DLC1: variants seen among roughly 807,000 people sequenced by gnomAD.
The protein encoded by DLC1 is DLC1 Rho GTPase activating protein.
A neutral mutation model predicts 140.3 loss-of-function variants in DLC1; 54 were observed. That is an observed-to-expected ratio of 0.38 (90% CI 0.31 to 0.48). The LOEUF (loss-of-function observed/expected upper bound fraction) is 0.48. DLC1 is among the 20% of genes least tolerant of loss of function. The pLI is 0.96. For missense variants in DLC1, 2,536 were observed against 1,907.0 expected, an observed-to-expected ratio of 1.33 and a Z score of -6.14; for synonymous variants, 986 against 728.1, an observed-to-expected ratio of 1.35 and a Z score of -5.70.
chr8:13,133,097 AC>A, intron 5 of DLC1: 1 of 1,498,900 alleles, frequency 6.7e-7, no homozygotes, highest in Non-Finnish European at 8.9e-7. Flanking sequence ...GCGGTCCTCA[AC>A]GCATCCTTGC....
chr8:13,364,275 G>C (rs1319365058), intron 4 of DLC1, among the ~76,000 whole-genome samples: 2 of 149,222 alleles, frequency 1.3e-5, no homozygotes, highest in Non-Finnish European at 3.0e-5. Flanking sequence ...CTATTTTTAA[G>C]TTTCCAGTTC....
At chr8:13,444,439 A>C (rs1413816208) in intron 2 of DLC1, among the ~76,000 whole-genome samples, 1 of 152,156 alleles carries the variant, frequency 6.6e-6, no homozygotes, top group African/African-American at 2.4e-5. Context: ...TCTAGAACTT[A>C]ACGTTTAATA....
At chr8:13,265,829 C>G (rs991447783) in intron 5 of DLC1, among the ~76,000 whole-genome samples, 1 of 151,392 alleles carries the variant, frequency 6.6e-6, no homozygotes, top group Non-Finnish European at 1.5e-5. Flanking sequence ...TTTATTAACA[C>G]TTGGCTATGA....
chr8:13,486,362 A>G (rs544405860), intron 2 of DLC1, among the ~76,000 whole-genome samples: 1 of 152,312 alleles, frequency 6.6e-6, no homozygotes, highest in Non-Finnish European at 1.5e-5. Context: ...CCCGCACACA[A>G]AGTAGACAAA....
At chr8:13,530,565 C>T (rs971619089) in intron 1 of DLC1, among the ~76,000 whole-genome samples, 4 of 152,098 alleles carry the variant, frequency 2.6e-5, no homozygotes, top group African/African-American at 7.2e-5. Flanking sequence ...AGACCACATG[C>T]CTGCGAGTCA....
rs765288401 is a variant in DLC1, at chr8:13,115,622, C to G, written c.1384G>C (p.Ala462Pro). The stretch of plus-strand genomic sequence containing the variant: ...TGTGCATACTGGGGGAAACCAGTTG[C>G]CCGTAGCCAATCACAAGCTTCCTTG... ...EAKEACDWLR[A>P]TGFPQYAQLY... Residue 462 changes from alanine (A) to proline (P), a missense_variant, in exon 6 of 18, where the codon GCA becomes CCA. Ala to Pro is a conservative substitution (Grantham distance 27, BLOSUM62 -1). Coordinates refer to ENST00000276297, the MANE Select transcript of DLC1 (RefSeq NM_182643.3). The G allele has an allele frequency of 6.2e-7, 1 of 1,613,982 alleles. No homozygotes were observed. Among genetic ancestry groups the G allele is most frequent in the South Asian group, 1.1e-5 (1 of 91,048 alleles).
chr8:13,421,179 A>T (rs1380669802), intron 2 of DLC1, among the ~76,000 whole-genome samples: 1 of 152,134 alleles, frequency 6.6e-6, no homozygotes, highest in Non-Finnish European at 1.5e-5. Flanking sequence ...TATTTTTAAC[A>T]TAACTATTTC....
intron 4 of DLC1, among the ~76,000 whole-genome samples, chr8:13,307,025 A>G (rs997343628): frequency 1.5e-5 from 2 of 137,920 alleles, no homozygotes; most frequent in Non-Finnish European, 3.1e-5. Context: ...TAGAAGTTGC[A>G]GTGAGCCGAG....
intron 1 of DLC1, among the ~76,000 whole-genome samples, chr8:13,555,311 G>A (rs1804003903): frequency 6.6e-6 from 1 of 151,962 alleles, no homozygotes; most frequent in Admixed American, 6.5e-5. Context: ...CCTCCATGAG[G>A]ACAGCCTTTC....
At chr8:13,514,458 C>G (rs189009495) in intron 1 of DLC1, 144 bp downstream of exon 1, 192 of 396,656 alleles carry the variant, frequency 4.8e-4, no homozygotes, top group African/African-American at 3.5e-3. Context: ...TTCTACTTAT[C>G]AAACATTTTC....
intron 5 of DLC1, among the ~76,000 whole-genome samples, chr8:13,245,506 T>G (rs546580585): frequency 7.8e-4 from 119 of 152,242 alleles, no homozygotes; most frequent in African/African-American, 2.3e-3. Context: ...AACCCTTTAT[T>G]GGCTCTTCCT....
chr8:13,269,208 T>A (rs142151966), intron 5 of DLC1, among the ~76,000 whole-genome samples: 1 of 152,304 alleles, frequency 6.6e-6, no homozygotes, highest in Admixed American at 6.5e-5. Context: ...GCCTTGTCTT[T>A]GGCTGTGCCT....
intron 5 of DLC1, among the ~76,000 whole-genome samples, chr8:13,116,963 C>T (rs1233360373): frequency 1.3e-5 from 2 of 152,198 alleles, no homozygotes; most frequent in Non-Finnish European, 1.5e-5. Context: ...ATGATAGTGA[C>T]ATCAGTGTGG....
intron 5 of DLC1, among the ~76,000 whole-genome samples, chr8:13,158,733 T>C (rs866317785): frequency 0.049 from 2,821 of 57,326 alleles, 9 homozygotes; most frequent in Non-Finnish European, 0.057. Flanking sequence ...ACCACCACCC[T>C]CCCCCCCCCC....
At chr8:13,275,808 C>G (rs1291491174) in intron 5 of DLC1, among the ~76,000 whole-genome samples, 1 of 152,218 alleles carries the variant, frequency 6.6e-6, no homozygotes, top group Non-Finnish European at 1.5e-5. Context: ...CATCACTCCA[C>G]TGACACACAG....
chr8:13,176,220 A>G (rs1825750427), intron 5 of DLC1, among the ~76,000 whole-genome samples: 1 of 152,124 alleles, frequency 6.6e-6, no homozygotes, highest in Non-Finnish European at 1.5e-5. Context: ...CATTTCCTCT[A>G]GGGAAAAGAA....
rs889198235 is a variant in DLC1 at position 13,354,564 on chromosome 8, C to T, written c.1314+38989G>A. 5.3e-5 allele frequency among the ~76,000 whole-genome samples: 8 copies of T among 152,058 alleles called. No individual in the cohort carries two copies. The East Asian group carries it at 5.8e-4, about 11-fold the overall frequency. On this transcript the variant is annotated intron_variant, in intron 4 of 17. Coordinates refer to ENST00000276297, the MANE Select transcript of DLC1 (RefSeq NM_182643.3). ...AACTTGTTTGGTTAAAATGCATTCACGCATCAAGCTCATTAGCACATTTCA... is the reference window on the plus strand; with the variant it reads ...AACTTGTTTGGTTAAAATGCATTCATGCATCAAGCTCATTAGCACATTTCA...
intron 5 of DLC1, among the ~76,000 whole-genome samples, chr8:13,178,609 ACTTC>A (rs1825876465): frequency 6.6e-6 from 1 of 151,050 alleles, no homozygotes. Context: ...TTCTATATTA[ACTTC>A]TATACATCCA....
chr8:13,385,421 A>T (rs73551549), intron 4 of DLC1, among the ~76,000 whole-genome samples: 3,707 of 152,294 alleles, frequency 0.024, 138 homozygotes, highest in African/African-American at 0.082. Context: ...GACTAGAGAA[A>T]CGCTAAAACC....
Sources: allele counts gnomAD v4.1 joint callset (sites outside exome capture counted in the v4.1 genomes callset), GRCh38; gene constraint gnomAD v4.1.1; transcripts MANE v1.5; gene names NCBI Gene and HGNC (gene_info 2026-07-23, HGNC 2026-07-21).